PRKN: variants seen among roughly 807,000 people sequenced by gnomAD.
PRKN encodes E3 ubiquitin-protein ligase parkin.
In PRKN, 56 loss-of-function variants were observed where a neutral mutation model predicts 59.5. The observed-to-expected ratio is 0.94, with a 90% CI of 0.76 to 1.18. The LOEUF is 1.18. Ranked by LOEUF, PRKN falls within the 50% of genes most tolerant of loss-of-function variation. The pLI is 0.00. For missense variants in PRKN, 657 were observed against 596.4 expected (o/e 1.10, Z -1.06); for synonymous variants, 250 against 222.1 (o/e 1.13, Z -1.12).
rs146907692 is a variant in PRKN, at chr6:161,428,059, G to A, written c.1084-41182C>T. Among the ~76,000 whole-genome samples, 508 of 152,262 alleles carry A rather than the reference G, an allele frequency of 3.3e-3. 2 individuals carry two copies. Among genetic ancestry groups the A allele is most frequent in the African/African-American group, 5.7e-3 (238 of 41,536 alleles). Reference sequence around the variant, plus strand: ...CTCGCTGCAGTCTGAGTGTGTCTCCGTGGAGCTCGGCATTTGGACACAGCT... The same window carrying A: ...CTCGCTGCAGTCTGAGTGTGTCTCCATGGAGCTCGGCATTTGGACACAGCT... On this transcript the variant is annotated intron_variant, in intron 9 of 11. Coordinates refer to ENST00000366898, the MANE Select transcript of PRKN (RefSeq NM_004562.3). The surrounding 1 kb of genome is among the most constrained non-coding windows in gnomAD (Gnocchi z 4.0).
chr6:162,699,667 G>A (rs1173360152), intron 1 of PRKN, among the ~76,000 whole-genome samples: 1 of 152,078 alleles, frequency 6.6e-6, no homozygotes, highest in African/African-American at 2.4e-5. Context: ...TGAAAGAATG[G>A]TGAAGCCCTT....
chr6:161,680,461 TAGTGG>T (rs768617344), intron 7 of PRKN, among the ~76,000 whole-genome samples: 30 of 152,088 alleles, frequency 2.0e-4, no homozygotes, highest in Non-Finnish European at 7.4e-5. Context: ...TCCATTTGAG[TAGTGG>T]CCTAAATGAG....
At chr6:162,569,449 C>T in intron 1 of PRKN, 1 of 687,964 alleles carries the variant, frequency 1.5e-6, no homozygotes, top group South Asian at 1.4e-5. Context: ...TTGCCACCTA[C>T]AGGAAGCTGC....
At chr6:162,623,892 T>C (rs796856671) in intron 1 of PRKN, among the ~76,000 whole-genome samples, 5 of 152,246 alleles carry the variant, frequency 3.3e-5, no homozygotes, top group African/African-American at 1.2e-4. Flanking sequence ...GGGGCAGAGA[T>C]GCTTCACAGC....
chr6:161,825,565 C>T (rs1792209240), intron 6 of PRKN, among the ~76,000 whole-genome samples: 2 of 152,158 alleles, frequency 1.3e-5, no homozygotes, highest in Non-Finnish European at 2.9e-5. Context: ...TGGGTTTACC[C>T]GGCCCTCATC....
At chr6:162,438,970 T>C (rs7758319) in intron 2 of PRKN, among the ~76,000 whole-genome samples, 17,486 of 152,194 alleles carry the variant, frequency 0.11, 1,388 homozygotes, top group African/African-American at 0.23. Flanking sequence ...TATTCCTTTT[T>C]TCTTTTTCCA....
chr6:161,757,933 G>GTATATATATATATATATA lies in PRKN; in HGVS notation c.871+27838_871+27839insTATATATATATATATATA, dbSNP rs1415902228. ...CACACACACACACATCTCTCTCTCT[G>GTATATATATATATATATA]TATATATATGTATATATATATACAG... On this transcript the variant is annotated intron_variant, in intron 7 of 11. Coordinates refer to ENST00000366898, the MANE Select transcript of PRKN (RefSeq NM_004562.3). Among the ~76,000 whole-genome samples, 99 of 101,426 alleles carry GTATATATATATATATATA rather than the reference G, an allele frequency of 9.8e-4. 1 individual carries two copies. Among genetic ancestry groups the GTATATATATATATATATA allele is most frequent in the African/African-American group, 3.4e-3 (91 of 26,448 alleles). The allele number at this position is 101,426 out of a possible 152,430, so 66.5% of individuals were successfully genotyped here. A position where few individuals can be genotyped will look rare whatever the true frequency, so the allele number is the denominator to read the frequency against.
chr6:161,785,303 C>T (rs1790368647), intron 7 of PRKN, among the ~76,000 whole-genome samples: 1 of 152,052 alleles, frequency 6.6e-6, no homozygotes, highest in African/African-American at 2.4e-5. Context: ...GTAAAGGGTG[C>T]TTTGTAATGT....
rs11366170 is a variant in PRKN, at chr6:161,768,077, G to GT, written c.871+17694dup. 1.3e-3 allele frequency among the ~76,000 whole-genome samples: 193 copies of GT among 148,998 alleles called. 1 individual carries two copies. Among genetic ancestry groups the GT allele is most frequent in the Middle Eastern group, 7.0e-3 (2 of 286 alleles). On this transcript the variant is annotated intron_variant, in intron 7 of 11. Transcript: ENST00000366898. ...CTTTGTTCAAATCTAGTCTAATTAA[G>GT]TTTTTTTTTTTTCTGCAGCGTAAGA... is the stretch of plus-strand genomic sequence containing the variant.
At chr6:162,176,575 A>G (rs746386970) in intron 4 of PRKN, among the ~76,000 whole-genome samples, 1 of 148,810 alleles carries the variant, frequency 6.7e-6, no homozygotes, top group East Asian at 2.0e-4. Flanking sequence ...AGGAAATTTC[A>G]GGCCAATTAA....
chr6:161,936,788 A>AT (rs72306983), intron 6 of PRKN, among the ~76,000 whole-genome samples: 5,340 of 139,146 alleles, frequency 0.038, 289 homozygotes, highest in African/African-American at 0.13. Context: ...TTTGTTTCAT[A>AT]TTTTTTTTTT....
intron 2 of PRKN, among the ~76,000 whole-genome samples, chr6:162,373,578 T>C (rs1785885527): frequency 6.6e-6 from 1 of 152,128 alleles, no homozygotes; most frequent in South Asian, 2.1e-4. Flanking sequence ...TTGTTGGGAT[T>C]TGGGAAAAAG....
intron 9 of PRKN, among the ~76,000 whole-genome samples, chr6:161,507,772 A>C (rs569646): frequency 0.62 from 94,360 of 151,732 alleles, 29,852 homozygotes; most frequent in Middle Eastern, 0.75. Context: ...ACCCTCACTA[A>C]AACCTCCTTA....
chr6:161,774,382 G>GCA (rs3220723), intron 7 of PRKN, among the ~76,000 whole-genome samples: 1,497 of 130,888 alleles, frequency 0.011, 24 homozygotes, highest in Non-Finnish European at 0.016. Flanking sequence ...TACTCCCTGA[G>GCA]CACACACACA....
chr6:162,041,386 T>C (rs908205155), intron 5 of PRKN, among the ~76,000 whole-genome samples: 13 of 152,140 alleles, frequency 8.5e-5, no homozygotes, highest in African/African-American at 3.1e-4. Flanking sequence ...TTGGTGGCCA[T>C]TCTCTTCAAC....
intron 7 of PRKN, among the ~76,000 whole-genome samples, chr6:161,714,626 C>T (rs1786896149): frequency 6.6e-6 from 1 of 152,174 alleles, no homozygotes; most frequent in South Asian, 2.1e-4. Flanking sequence ...TCCATGTACT[C>T]CATGTAAAAC....
chr6:161,573,170 C>T lies in PRKN; in HGVS notation c.872-3754G>A, dbSNP rs1780959765. ...GGGAGGCAGCCTACAGCTCAGGGTCCCAGGCCTGCTGAGATGGAACATTTG... is the reference window on the plus strand; with the variant it reads ...GGGAGGCAGCCTACAGCTCAGGGTCTCAGGCCTGCTGAGATGGAACATTTG... On this transcript the variant is annotated intron_variant, in intron 7 of 11. Coordinates refer to ENST00000366898, the MANE Select transcript of PRKN (RefSeq NM_004562.3). 2.6e-5 allele frequency among the ~76,000 whole-genome samples: 4 copies of T among 152,082 alleles called. No homozygotes were observed. In the South Asian group the frequency reaches 8.3e-4, roughly 31 times the overall value.
At chr6:161,937,702 C>T (rs1211219210) in intron 6 of PRKN, among the ~76,000 whole-genome samples, 1 of 152,148 alleles carries the variant, frequency 6.6e-6, no homozygotes, top group South Asian at 2.1e-4. Context: ...TAAGATCCAG[C>T]AGGAGAAGAA....
chr6:161,680,084 C>A (rs180981872), intron 7 of PRKN, among the ~76,000 whole-genome samples: 3 of 152,218 alleles, frequency 2.0e-5, no homozygotes, highest in African/African-American at 7.2e-5. Flanking sequence ...TGGGACAATT[C>A]CAGTACAATT....
Sources: allele counts gnomAD v4.1 joint callset (sites outside exome capture counted in the v4.1 genomes callset), GRCh38; gene constraint gnomAD v4.1.1; non-coding constraint Gnocchi (gnomAD v3.1); transcripts MANE v1.5; gene names NCBI Gene and HGNC (gene_info 2026-07-23, HGNC 2026-07-21).